The following ZNF765 variants were observed in gnomAD, a reference collection of about 807,000 sequenced individuals.
ZNF765 encodes the protein zinc finger protein 765.
ZNF765 carries 37 observed loss-of-function variants against 44.7 expected under a neutral mutation model. That is an observed-to-expected ratio of 0.83 (90% confidence interval 0.64 to 1.09). The LOEUF (loss-of-function observed/expected upper bound fraction) is 1.09. Among genes scored for constraint, ZNF765 ranks in the 50% least tolerant of loss-of-function variants. The pLI, the probability that ZNF765 is intolerant of heterozygous loss-of-function variation, is 0.00. For missense variants in ZNF765, 594 were observed against 626.1 expected (o/e 0.95, Z 0.55); for synonymous variants, 201 against 213.7 (o/e 0.94, Z 0.52).
chr19:53,413,723 C>T (rs892119944), downstream of ZNF765, among the ~76,000 whole-genome samples: 1 of 150,088 alleles, frequency 6.7e-6, no homozygotes, highest in African/African-American at 2.5e-5. Flanking sequence ...CTTCTCGTCT[C>T]CTGTAACCCA....
intron 3 of ZNF765, among the ~76,000 whole-genome samples, chr19:53,419,257 A>C (rs1465754025): frequency 6.6e-6 from 1 of 152,216 alleles, no homozygotes; most frequent in Non-Finnish European, 1.5e-5. Flanking sequence ...GATAATTAGA[A>C]GTATGCCCTT....
Position 53,409,208 on chromosome 19 carries a change from A to G in ZNF765, c.*81A>G, listed in dbSNP as rs554153295. The G allele has an allele frequency of 3.0e-4, 386 of 1,300,744 alleles. 1 individual carries two copies. The highest frequency in any genetic ancestry group is 4.1e-4 in the Non-Finnish European group (370 of 900,498). The allele number at this position is 1,300,744 out of a possible 1,614,324, so 80.6% of individuals were successfully genotyped here. A position where few individuals can be genotyped will look rare whatever the true frequency, so the allele number is the denominator to read the frequency against. ...CATAGTGGAGAGAAACCTTACAAAT[A>G]TGAAGAACTTGACAAAGCTTACAAT... On this transcript the variant is annotated 3_prime_UTR_variant, in exon 4 of 4. Coordinates refer to ENST00000396408, the MANE Select transcript of ZNF765 (RefSeq NM_001040185.3).
chr19:53,423,477 C>T (rs2085919942), exon 4 of ZNF765: 12 of 476,614 alleles, frequency 2.5e-5, no homozygotes, highest in Non-Finnish European at 4.3e-5. Flanking sequence ...TCCCCTGAGT[C>T]CGGAGCTACC....
intron 3 of ZNF765, among the ~76,000 whole-genome samples, chr19:53,420,153 G>A (rs2085898815): frequency 6.6e-6 from 1 of 152,104 alleles, no homozygotes; most frequent in Admixed American, 6.6e-5. Flanking sequence ...CCAACTTGGT[G>A]AATCCCCATC....
intron 3 of ZNF765, among the ~76,000 whole-genome samples, chr19:53,418,584 A>G (rs938912376): frequency 2.0e-5 from 3 of 152,066 alleles, no homozygotes; most frequent in African/African-American, 7.2e-5. Flanking sequence ...AGAGTATGGA[A>G]TAGAAGGAGG....
rs1204900351 is a variant in ZNF765 at position 53,418,711 on chromosome 19, G to A, written c.143-4351G>A. Among the ~76,000 whole-genome samples the A allele has an allele frequency of 2.6e-5, 4 of 152,032 alleles. No homozygotes were observed. In the East Asian group the frequency reaches 7.8e-4, roughly 30 times the overall value. Reference sequence around the variant, plus strand: ...ACCTGAGGTCAGGAGTTGGAGACCAGCCTGCCCGACATGGCAAAACCCATC... The same window carrying A: ...ACCTGAGGTCAGGAGTTGGAGACCAACCTGCCCGACATGGCAAAACCCATC... On this transcript the variant is annotated intron_variant, in intron 3 of 3. Coordinates refer to the ZNF765 transcript ENST00000594030.
At chr19:53,416,821 CT>C (rs547421325), downstream of ZNF765, among the ~76,000 whole-genome samples, 6,435 of 144,528 alleles carry the variant, frequency 0.045, 269 homozygotes, top group African/African-American at 0.11. Context: ...GATTTCTTTT[CT>C]TTTTTTTTTT....
intron 3 of ZNF765, among the ~76,000 whole-genome samples, chr19:53,406,586 G>T (rs1252409042): frequency 6.6e-6 from 1 of 152,102 alleles, no homozygotes; most frequent in Non-Finnish European, 1.5e-5. Flanking sequence ...TCGGTATGTG[G>T]TATGCAATAT....
intron 3 of ZNF765, among the ~76,000 whole-genome samples, chr19:53,403,934 CTG>C (rs2085751980): frequency 6.6e-6 from 1 of 151,618 alleles, no homozygotes; most frequent in Admixed American, 6.6e-5. Flanking sequence ...AATTATTTCT[CTG>C]TATGTTGCAT....
intron 1 of ZNF765, among the ~76,000 whole-genome samples, chr19:53,396,310 G>C (rs564412262): frequency 2.2e-4 from 33 of 152,276 alleles, no homozygotes; most frequent in Non-Finnish European, 3.8e-4. Flanking sequence ...AGATGGTGTT[G>C]CGGGAAACTA....
chr19:53,400,998 A>G (rs918611552), intron 2 of ZNF765, among the ~76,000 whole-genome samples: 2 of 151,092 alleles, frequency 1.3e-5, no homozygotes, highest in African/African-American at 4.9e-5. Flanking sequence ...ATGCCTCGCT[A>G]ATTCGCTAAT....
chr19:53,402,248 C>CTTTTT (rs72582439), intron 3 of ZNF765, 57 bp downstream of exon 3: 16 of 1,260,588 alleles, frequency 1.3e-5, no homozygotes, highest in South Asian at 1.2e-4. Flanking sequence ...ATTTTCTCTC[C>CTTTTT]TTTTTTTTTT....
intron 2 of ZNF765, among the ~76,000 whole-genome samples, chr19:53,401,527 T>C (rs139500393): frequency 0.088 from 13,111 of 149,178 alleles, 741 homozygotes; most frequent in Middle Eastern, 0.21. Flanking sequence ...CGCGCCACTG[T>C]ACTCCAGCCT....
intron 2 of ZNF765, among the ~76,000 whole-genome samples, chr19:53,401,212 T>C (rs4803101): frequency 0.83 from 126,156 of 152,082 alleles, 52,566 homozygotes; most frequent in Admixed American, 0.87. Flanking sequence ...ATGTCATCTC[T>C]GAAGACATCA....
chr19:53,397,626 G>A (rs1327241792), intron 1 of ZNF765, among the ~76,000 whole-genome samples: 20 of 151,986 alleles, frequency 1.3e-4, no homozygotes, highest in Non-Finnish European at 2.4e-4. Context: ...AGAGATCTAC[G>A]CACCTCGGCC....
chr19:53,419,779 AG>A (rs2085896623), intron 3 of ZNF765, among the ~76,000 whole-genome samples: 2 of 152,066 alleles, frequency 1.3e-5, no homozygotes, highest in Non-Finnish European at 2.9e-5. Flanking sequence ...GCACTTTAGG[AG>A]GCCGAGGCGG....
chr19:53,417,110 G>A (rs1197348969), intron 3 of ZNF765, among the ~76,000 whole-genome samples: 1 of 152,156 alleles, frequency 6.6e-6, no homozygotes, highest in Non-Finnish European at 1.5e-5. Flanking sequence ...GAGCCACTAT[G>A]CCCGACCAGG....
intron 3 of ZNF765, among the ~76,000 whole-genome samples, chr19:53,417,277 C>T (rs1362746891): frequency 1.3e-4 from 20 of 152,176 alleles, no homozygotes; most frequent in Admixed American, 1.3e-3. Context: ...CCTCTCCCTT[C>T]TCCCACCCTA....
At chr19:53,402,535 C>T (rs1039531520) in intron 3 of ZNF765, among the ~76,000 whole-genome samples, 18 of 152,110 alleles carry the variant, frequency 1.2e-4, no homozygotes, top group Non-Finnish European at 2.5e-4. Flanking sequence ...GCTGGGACTA[C>T]AGGCATAAGC....
Sources: gnomAD v4.1 joint callset for allele counts (sites outside exome capture counted in the v4.1 genomes callset) on GRCh38, gnomAD v4.1.1 for gene constraint, MANE v1.5 for transcripts, NCBI Gene and HGNC (gene_info 2026-07-23, HGNC 2026-07-21) for gene names.